The following ARHGAP8 variants were observed in gnomAD, a reference collection of about 807,000 sequenced individuals.
ARHGAP8 encodes Rho GTPase activating protein 8.
Under a neutral mutation model 46.1 loss-of-function variants are expected in ARHGAP8, and 62 were observed. The observed-to-expected ratio is 1.34, with a 90% CI of 1.10 to 1.66. The LOEUF (loss-of-function observed/expected upper bound fraction) is 1.66, where lower values mean the gene tolerates loss of function less well. Ranked by LOEUF, ARHGAP8 falls within the 40% of genes most tolerant of loss-of-function variation. ARHGAP8 has a pLI of 0.00. For synonymous variants in ARHGAP8, 375 were observed against 243.1 expected (o/e 1.54, Z -5.05); for missense variants, 923 against 568.4 (o/e 1.62, Z -6.34).
intron 1 of ARHGAP8, among the ~76,000 whole-genome samples, chr22:44,785,467 C>G (rs1019558357): frequency 7.2e-5 from 11 of 152,154 alleles, no homozygotes; most frequent in Non-Finnish European, 1.3e-4. Flanking sequence ...CCGCATCACA[C>G]TAGTCTGTGA....
chr22:44,843,196 C>G (rs1296654202), intron 7 of ARHGAP8, among the ~76,000 whole-genome samples: 3 of 152,130 alleles, frequency 2.0e-5, no homozygotes, highest in African/African-American at 7.2e-5. Flanking sequence ...TCCAGTGAAA[C>G]AATGCATTTT....
chr22:44,838,102 T>C (rs1931407798), intron 7 of ARHGAP8, among the ~76,000 whole-genome samples: 1 of 151,982 alleles, frequency 6.6e-6, no homozygotes, highest in South Asian at 2.1e-4. Context: ...GCATCCCAAG[T>C]AGCTGAGATT....
intron 3 of ARHGAP8, among the ~76,000 whole-genome samples, chr22:44,802,847 T>C (rs1928652844): frequency 6.6e-6 from 1 of 152,272 alleles, no homozygotes; most frequent in Middle Eastern, 3.4e-3. Flanking sequence ...GCCACGGGAC[T>C]AGAGCCACTC....
At chr22:44,859,110 G>T (rs1016297578) in intron 10 of ARHGAP8, among the ~76,000 whole-genome samples, 5 of 152,070 alleles carry the variant, frequency 3.3e-5, no homozygotes, top group African/African-American at 1.2e-4. Flanking sequence ...AAAGTGATTC[G>T]GCTTTAGCAG....
chr22:44,859,490 A>T (rs561230599), intron 10 of ARHGAP8, among the ~76,000 whole-genome samples: 1 of 152,222 alleles, frequency 6.6e-6, no homozygotes, highest in Non-Finnish European at 1.5e-5. Flanking sequence ...CAGCCTGTAG[A>T]ACCATGAGCC....
chr22:44,764,687 G>A (rs1365013116), intron 1 of ARHGAP8, among the ~76,000 whole-genome samples: 1 of 152,208 alleles, frequency 6.6e-6, no homozygotes, highest in Admixed American at 6.5e-5. Context: ...TGCTCGCTGG[G>A]GTGGTCCTGG....
intron 1 of ARHGAP8, among the ~76,000 whole-genome samples, chr22:44,760,324 G>A (rs1463709483): frequency 6.6e-6 from 1 of 152,152 alleles, no homozygotes; most frequent in East Asian, 1.9e-4. Context: ...CAGCTCAGTA[G>A]TGACCCCCAT....
intron 10 of ARHGAP8, among the ~76,000 whole-genome samples, chr22:44,856,294 C>G (rs113121994): frequency 0.25 from 23,774 of 94,588 alleles, 2,869 homozygotes; most frequent in Middle Eastern, 0.33. Flanking sequence ...TTTTTTGAGA[C>G]AAAGTCTCAC....
intron 5 of ARHGAP8, among the ~76,000 whole-genome samples, 191 bp downstream of exon 5, chr22:44,814,949 G>T (rs1174871260): frequency 2.0e-5 from 3 of 152,150 alleles, no homozygotes; most frequent in African/African-American, 4.8e-5. Context: ...CAGGAGTGCA[G>T]TGCCGGCCTT....
intron 10 of ARHGAP8, among the ~76,000 whole-genome samples, chr22:44,853,887 C>T (rs2070154873): frequency 6.6e-6 from 1 of 151,734 alleles, no homozygotes; most frequent in Non-Finnish European, 1.5e-5. Context: ...ATTAGCCAGG[C>T]ATGGTGGCAT....
chr22:44,785,738 C>A (rs1927170650), intron 1 of ARHGAP8, among the ~76,000 whole-genome samples: 1 of 152,146 alleles, frequency 6.6e-6, no homozygotes, highest in African/African-American at 2.4e-5. Flanking sequence ...TCTCTAAGAA[C>A]CCTGATTGGT....
At chr22:44,807,929 C>T (rs139196236) in intron 3 of ARHGAP8, among the ~76,000 whole-genome samples, 5 of 152,336 alleles carry the variant, frequency 3.3e-5, no homozygotes, top group African/African-American at 1.2e-4. Context: ...TGTGATTGCA[C>T]TGAAGGTCCA....
At chr22:44,855,841 A>G (rs573814202) in intron 10 of ARHGAP8, among the ~76,000 whole-genome samples, 2 of 152,150 alleles carry the variant, frequency 1.3e-5, no homozygotes, top group Non-Finnish European at 2.9e-5. Context: ...ATGAAGAAAT[A>G]CCTGAGGCTG....
At chr22:44,816,408 G>A (rs938847401) in intron 5 of ARHGAP8, among the ~76,000 whole-genome samples, 7 of 151,970 alleles carry the variant, frequency 4.6e-5, no homozygotes, top group South Asian at 2.1e-4. Context: ...GCCGTCTCCC[G>A]CCCCAAGGGC....
intron 6 of ARHGAP8, 31 bp from the exon 7 acceptor site, chr22:44,825,452 G>A (rs374830968): frequency 9.4e-6 from 15 of 1,594,540 alleles, no homozygotes; most frequent in African/African-American, 1.3e-5. Context: ...GCCCCTGCCA[G>A]GTGAGATCCC....
At chr22:44,857,102 G>A (rs1461839950) in intron 10 of ARHGAP8, among the ~76,000 whole-genome samples, 8 of 143,434 alleles carry the variant, frequency 5.6e-5, no homozygotes, top group African/African-American at 1.7e-4. Flanking sequence ...CACCACACCC[G>A]GCTAATTTTG....
intron 10 of ARHGAP8, chr22:44,849,508 C>G (rs1342287989): frequency 5.6e-6 from 1 of 179,976 alleles, no homozygotes; most frequent in Non-Finnish European, 1.2e-5. Flanking sequence ...GTGTCTGATC[C>G]TACAGGCGCT....
intron 11 of ARHGAP8, among the ~76,000 whole-genome samples, chr22:44,860,601 C>G (rs1044065290): frequency 1.3e-5 from 2 of 150,902 alleles, no homozygotes; most frequent in African/African-American, 4.9e-5. Flanking sequence ...GTCAGATTCT[C>G]TGTGGTCTAT....
At chr22:44,809,695 A>T (rs1339005950) in intron 4 of ARHGAP8, 1 of 157,362 alleles carries the variant, frequency 6.4e-6, no homozygotes, top group African/African-American at 2.4e-5. Flanking sequence ...CGTCCGGCCT[A>T]ATAATCAACT....
Sources: allele counts gnomAD v4.1 joint callset (sites outside exome capture counted in the v4.1 genomes callset), GRCh38; gene constraint gnomAD v4.1.1; transcripts MANE v1.5; gene names NCBI Gene and HGNC (gene_info 2026-07-23, HGNC 2026-07-21).